The following ACTA2 variants were observed in gnomAD, a reference collection of about 807,000 sequenced individuals.
ACTA2 encodes actin, aortic smooth muscle.
A neutral mutation model predicts 39.5 loss-of-function variants in ACTA2; 12 were observed. The observed-to-expected ratio is 0.30, with a 90% CI of 0.19 to 0.49. ACTA2 has a LOEUF of 0.49. Ranked by LOEUF, ACTA2 falls within the 20% of genes least tolerant of loss-of-function variation. The pLI, the probability that ACTA2 is intolerant of heterozygous loss-of-function variation, is 0.99. For synonymous variants in ACTA2, 158 were observed against 180.6 expected (o/e 0.88, Z 1.00); for missense variants, 236 against 498.8 (o/e 0.47, Z 5.02).
intron 1 of ACTA2, among the ~76,000 whole-genome samples, chr10:88,980,948 G>A (rs377563426): frequency 4.6e-5 from 7 of 152,250 alleles, no homozygotes; most frequent in African/African-American, 1.7e-4. Context: ...AAGGGATAAA[G>A]TGAGTCAGAG....
intron 4 of ACTA2, 40 bp from the exon 5 acceptor site, chr10:88,941,909 C>A (rs1272339624): frequency 1.9e-6 from 3 of 1,566,082 alleles, no homozygotes; most frequent in East Asian, 2.3e-5. Context: ...TGAAGGTGCC[C>A]ATCTGACAAA....
At chr10:88,982,535 G>A (rs1042214168) in intron 1 of ACTA2, among the ~76,000 whole-genome samples, 1 of 152,142 alleles carries the variant, frequency 6.6e-6, no homozygotes, top group African/African-American at 2.4e-5. Flanking sequence ...GAGATTCACT[G>A]AGGGGGGAAT....
At chr10:88,956,038 A>G (rs1223924427), upstream of ACTA2, among the ~76,000 whole-genome samples, 1 of 152,196 alleles carries the variant, frequency 6.6e-6, no homozygotes, top group African/African-American at 2.4e-5. Context: ...ATTATTAGCT[A>G]TTATTATTGT....
At chr10:88,961,819 AAGGTACT>A (rs1269449479) in intron 1 of ACTA2, among the ~76,000 whole-genome samples, 4 of 152,170 alleles carry the variant, frequency 2.6e-5, no homozygotes, top group African/African-American at 4.8e-5. Context: ...TTTCAATGAA[AAGGTACT>A]AGGCTTTATT....
chr10:88,985,332 T>C (rs1335614710), intron 1 of ACTA2, among the ~76,000 whole-genome samples: 1 of 152,204 alleles, frequency 6.6e-6, no homozygotes, highest in Non-Finnish European at 1.5e-5. Flanking sequence ...GGAAAATGTC[T>C]ATATGCTCAT....
intron 3 of ACTA2, among the ~76,000 whole-genome samples, chr10:88,945,640 A>C (rs1845932466): frequency 6.6e-6 from 1 of 152,204 alleles, no homozygotes; most frequent in African/African-American, 2.4e-5. Context: ...ATAAGGCCTC[A>C]TGTAATGCAA....
At position 88,935,229 on chromosome 10, in the gene ACTA2, G is replaced by T; in HGVS notation, c.1128C>A (p.Cys376Ter). 1 of 1,613,282 alleles carries T rather than the reference G, an allele frequency of 6.2e-7. No homozygotes were observed. Among genetic ancestry groups the T allele is most frequent in the Non-Finnish European group, 8.5e-7 (1 of 1,179,792 alleles). ...AGAGGAGCAGGAAAGTGTTTTAGAA[G>T]CATTTGCGGTGGACAATGGAAGGCC... is the stretch of plus-strand genomic sequence containing the variant. Reference protein sequence around the residue: ...EAGPSIVHRKCF With the variant: ...EAGPSIVHRK The change falls in exon 9 of 9, where the codon TGC becomes TGA. Residue 376 changes from cysteine to a stop codon, truncating the protein, a stop_gained. Transcript: ENST00000224784. LOFTEE classifies it high-confidence loss of function.
intron 1 of ACTA2, among the ~76,000 whole-genome samples, chr10:88,967,161 C>T (rs1341710474): frequency 6.6e-6 from 1 of 152,126 alleles, no homozygotes; most frequent in Admixed American, 6.5e-5. Flanking sequence ...CATTCACTTC[C>T]TTTTCCAACA....
At chr10:88,950,021 A>T (rs1783501487) in intron 1 of ACTA2, among the ~76,000 whole-genome samples, 1 of 152,210 alleles carries the variant, frequency 6.6e-6, no homozygotes, top group Non-Finnish European at 1.5e-5. Context: ...CAGCCTATCA[A>T]CTTACAAATT....
chr10:88,989,338 T>C lies in ACTA2; in HGVS notation c.-24+1601A>G, dbSNP rs191805829. The C allele has an allele frequency of 1.4e-4, 44 of 325,492 alleles. 1 individual carries two copies. Among genetic ancestry groups the C allele is most frequent in the Admixed American group, 1.3e-3 (32 of 25,494 alleles). 20.2% of individuals were successfully genotyped at this position (325,492 alleles called of 1,614,324 possible). A position where few individuals can be genotyped will look rare whatever the true frequency, so the allele number is the denominator to read the frequency against. On this transcript the variant is annotated intron_variant, in intron 1 of 4. Transcript: ENST00000415557. Reference sequence around the variant, plus strand: ...CCCTCACACCCCTTTTCCTTCCTTCTTTTTACATTTTTTTATTTAAATGAA... The same window carrying C: ...CCCTCACACCCCTTTTCCTTCCTTCCTTTTACATTTTTTTATTTAAATGAA...
intron 1 of ACTA2, among the ~76,000 whole-genome samples, chr10:88,982,682 A>G (rs531132789): frequency 6.6e-6 from 1 of 152,242 alleles, no homozygotes; most frequent in African/African-American, 2.4e-5. Context: ...TTTTCTTGAT[A>G]GGAAAATGTA....
At position 88,939,397 on chromosome 10, in the gene ACTA2, A is replaced by AT. The variant is rs1845806035; in HGVS notation, c.808+109dup. 2.8e-6 allele frequency: 4 copies of AT among 1,414,070 alleles called. No individual in the cohort carries two copies. The East Asian group carries it at 9.1e-5, about 32-fold the overall frequency. The allele number at this position is 1,414,070 out of a possible 1,614,324, so 87.6% of individuals were successfully genotyped here. A position where few individuals can be genotyped will look rare whatever the true frequency, so the allele number is the denominator to read the frequency against. On this transcript the variant is annotated intron_variant, in intron 7 of 8. Transcript: ENST00000224784. ...CACTTTCCCTTTTTCTGGTTTAGAA[A>AT]TGCTTTTGGTCTTGGGGCAACCGTC...
At chr10:88,962,911 CCATATATATATATATATA>C (rs1846250974) in intron 1 of ACTA2, among the ~76,000 whole-genome samples, 11 of 46,582 alleles carry the variant, frequency 2.4e-4, no homozygotes, top group South Asian at 2.4e-3. Flanking sequence ...GGGGAATGCC[CCATATATATATATATATA>C]TATATATATA....
chr10:88,959,736 C>CT (rs1023678864), intron 1 of ACTA2, among the ~76,000 whole-genome samples: 1 of 152,082 alleles, frequency 6.6e-6, no homozygotes, highest in African/African-American at 2.4e-5. Flanking sequence ...CTTAATGTTC[C>CT]TTTTTTGTTC....
At chr10:88,958,365 C>A (rs992166871) in intron 1 of ACTA2, among the ~76,000 whole-genome samples, 2 of 152,172 alleles carry the variant, frequency 1.3e-5, no homozygotes. Flanking sequence ...GAGCTATTTG[C>A]TCTACATACA....
intron 1 of ACTA2, among the ~76,000 whole-genome samples, chr10:88,984,776 G>A (rs965160991): frequency 3.3e-5 from 5 of 152,154 alleles, no homozygotes; most frequent in African/African-American, 7.2e-5. Flanking sequence ...GTGAGAGAAA[G>A]AGAGAGAGAC....
intron 1 of ACTA2, among the ~76,000 whole-genome samples, chr10:88,980,597 A>G (rs900275687): frequency 6.6e-6 from 1 of 152,242 alleles, no homozygotes; most frequent in African/African-American, 2.4e-5. Flanking sequence ...AACACAGTCC[A>G]TGGTACAAAG....
At chr10:88,969,344 C>G (rs1313787149) in intron 1 of ACTA2, among the ~76,000 whole-genome samples, 1 of 152,218 alleles carries the variant, frequency 6.6e-6, no homozygotes, top group African/African-American at 2.4e-5. Flanking sequence ...CCACATTCTG[C>G]TATGCCTTAG....
intron 1 of ACTA2, among the ~76,000 whole-genome samples, chr10:88,983,629 AAAAAAAAAAAC>A (rs1846773089): frequency 4.1e-5 from 6 of 147,766 alleles, no homozygotes; most frequent in African/African-American, 1.5e-4. Context: ...AAAAAAAAAA[AAAAAAAAAAAC>A]ACACACACAC....
Sources: gnomAD v4.1 joint callset for allele counts (sites outside exome capture counted in the v4.1 genomes callset) on GRCh38, gnomAD v4.1.1 for gene constraint, MANE v1.5 for transcripts, NCBI Gene and HGNC (gene_info 2026-07-23, HGNC 2026-07-21) for gene names.